The following SEPTIN9 variants were observed in gnomAD, a reference collection of about 807,000 sequenced individuals.
SEPTIN9 encodes septin 9.
Under a neutral mutation model 56.6 loss-of-function variants are expected in SEPTIN9, and 13 were observed. The observed-to-expected ratio is 0.23, with a 90% CI of 0.15 to 0.37. The LOEUF (loss-of-function observed/expected upper bound fraction) is 0.37. Among genes scored for constraint, SEPTIN9 ranks in the 10% least tolerant of loss-of-function variants. The probability of loss-of-function intolerance (pLI) is 1.00; values close to 1 mark genes in which losing one functional copy is unlikely to be tolerated. For synonymous variants in SEPTIN9, 332 were observed against 334.1 expected (o/e 0.99, Z 0.07); for missense variants, 650 against 823.1 (o/e 0.79, Z 2.57).
chr17:77,358,594 G>T (rs564723176), intron 2 of SEPTIN9, among the ~76,000 whole-genome samples: 1 of 151,944 alleles, frequency 6.6e-6, no homozygotes, highest in Non-Finnish European at 1.5e-5. Flanking sequence ...AGCCGAGATC[G>T]CACCACTCCT....
chr17:77,288,245 G>A (rs1053486922), intron 1 of SEPTIN9: 18 of 1,031,360 alleles, frequency 1.7e-5, no homozygotes, highest in Non-Finnish European at 2.1e-5. Context: ...CTCCTCCCAG[G>A]CTGCTTAAAT....
chr17:77,484,895 G>A (rs1253552300), intron 4 of SEPTIN9, among the ~76,000 whole-genome samples: 5 of 95,260 alleles, frequency 5.2e-5, no homozygotes, highest in African/African-American at 1.8e-4. Context: ...TGTGATGGTG[G>A]TGGTGGTGAT....
chr17:77,402,106 A>C lies in SEPTIN9; in HGVS notation c.124A>C (p.Thr42Pro), dbSNP rs1598315906. The C allele has an allele frequency of 1.2e-6, 2 of 1,613,292 alleles. No homozygotes were observed. The highest frequency in any genetic ancestry group is 1.7e-6 in the Non-Finnish European group (2 of 1,179,690). The part of the protein sequence containing the change: ...EVEEVETPNS[T>P]PPRRVQTPLL... ...CGAGGAGGTCGAGACACCCAACTCC[A>C]CCCCACCCCGGAGGGTCCAGACTCC... The change falls in exon 3 of 12, where the codon ACC becomes CCC. Residue 42 changes from threonine (T) to proline (P), a missense_variant. Around this residue, in one of 2 missense-constraint regions of SEPTIN9, gnomAD observed 317 missense variants for 329.1 expected, o/e 0.96. Coordinates refer to ENST00000427177, the MANE Select transcript of SEPTIN9 (RefSeq NM_001113491.2). The surrounding 1 kb of genome is among the most constrained non-coding windows in gnomAD (Gnocchi z 6.6).
intron 2 of SEPTIN9, among the ~76,000 whole-genome samples, chr17:77,359,370 C>A (rs943665224): frequency 6.6e-6 from 1 of 152,232 alleles, no homozygotes; most frequent in Non-Finnish European, 1.5e-5. Context: ...TGGAAAAGAG[C>A]TTACCAAGGA....
intron 2 of SEPTIN9, among the ~76,000 whole-genome samples, chr17:77,380,828 C>T (rs527780904): frequency 1.3e-5 from 2 of 152,188 alleles, no homozygotes; most frequent in Non-Finnish European, 2.9e-5. Context: ...TGAGGGACAG[C>T]GGAAGGGTGG....
At chr17:77,295,232 G>C (rs1052573206) in intron 1 of SEPTIN9, among the ~76,000 whole-genome samples, 3 of 152,180 alleles carry the variant, frequency 2.0e-5, no homozygotes, top group African/African-American at 7.2e-5. Flanking sequence ...GCCCTTCTCA[G>C]TGCCTTGAGA....
Position 77,292,989 on chromosome 17 carries a change from CATTTATTT to C in SEPTIN9, c.19+11468_19+11475del, listed in dbSNP as rs138504683. On this transcript the variant is annotated intron_variant, in intron 1 of 11. Transcript: ENST00000427177. ...AACCAGGAAATGGAAACCGCTTGAG[CATTTATTT>C]ATTTATTTATTTATTTATTTATTTA... is the stretch of plus-strand genomic sequence containing the variant. 3.3e-4 allele frequency among the ~76,000 whole-genome samples: 38 copies of C among 116,392 alleles called. 1 individual carries two copies. The highest frequency in any genetic ancestry group is 5.2e-4 in the African/African-American group (19 of 36,316). The allele number at this position is 116,392 out of a possible 152,430, so 76.4% of individuals were successfully genotyped here. A position where few individuals can be genotyped will look rare whatever the true frequency, so the allele number is the denominator to read the frequency against.
chr17:77,353,774 C>T (rs16969936), intron 2 of SEPTIN9, among the ~76,000 whole-genome samples: 34,596 of 152,028 alleles, frequency 0.23, 4,382 homozygotes, highest in East Asian at 0.6. Flanking sequence ...AGTGTCTCAG[C>T]CCCGCAATCC....
chr17:77,354,857 C>G (rs1316082200), intron 2 of SEPTIN9, among the ~76,000 whole-genome samples: 1 of 152,062 alleles, frequency 6.6e-6, no homozygotes, highest in Non-Finnish European at 1.5e-5. Context: ...TGGGCGCTTG[C>G]TCTTCAGTCA....
intron 1 of SEPTIN9, among the ~76,000 whole-genome samples, chr17:77,306,800 C>T (rs947689338): frequency 6.6e-6 from 1 of 152,240 alleles, no homozygotes; most frequent in Non-Finnish European, 1.5e-5. Flanking sequence ...GACGTGGGCT[C>T]ACCTGTGTGC....
intron 2 of SEPTIN9, among the ~76,000 whole-genome samples, chr17:77,314,285 TCCTG>T (rs1364892130): frequency 6.6e-6 from 1 of 151,020 alleles, no homozygotes; most frequent in Non-Finnish European, 1.5e-5. Flanking sequence ...CAAGTGATTC[TCCTG>T]CCTCAGCCTC....
Position 77,451,668 on chromosome 17 carries a change from G to A in SEPTIN9, c.722-30476G>A, listed in dbSNP as rs939832803. On this transcript the variant is annotated intron_variant, in intron 3 of 11. Transcript: ENST00000427177. This position sits in a 1 kb window ranked among gnomAD's most constrained non-coding sequence, Gnocchi z 4.2. ...TGTCCCTGGGCCCCGGCCCGAGGCC[G>A]GCAGGACCGAGCGGGGTCCCCAGGA... 49 of 604,310 alleles carry A rather than the reference G, an allele frequency of 8.1e-5. No homozygotes were observed. Among genetic ancestry groups the A allele is most frequent in the Non-Finnish European group, 9.6e-5 (46 of 481,662 alleles). The allele number at this position is 604,310 out of a possible 1,614,324, so 37.4% of individuals were successfully genotyped here.
Position 77,402,162 on chromosome 17 carries a change from C to A in SEPTIN9, c.180C>A (p.Thr60=). The part of the protein sequence containing the change: ...PLLRATVASS[T]QKFQDLGVKN... ...TCCGAGCCACTGTGGCCAGCTCCAC[C>A]CAGAAATTCCAGGACCTGGGCGTGA... Residue 60 remains threonine (T), a synonymous_variant, in exon 3 of 12, where the codon ACC becomes ACA. Transcript: ENST00000427177. The surrounding 1 kb of genome is among the most constrained non-coding windows in gnomAD (Gnocchi z 6.6). 1.2e-6 allele frequency: 2 copies of A among 1,613,898 alleles called. No individual in the cohort carries two copies. The highest frequency in any genetic ancestry group is 1.7e-6 in the Non-Finnish European group (2 of 1,179,872).
At chr17:77,484,601 G>GTGGTGA (rs1555678561) in intron 4 of SEPTIN9, among the ~76,000 whole-genome samples, 13 of 34,068 alleles carry the variant, frequency 3.8e-4, no homozygotes, top group Non-Finnish European at 6.0e-4. Flanking sequence ...AATTGTGATG[G>GTGGTGA]TGGTGGTGAT....
rs2033315544 is a variant in SEPTIN9 at position 77,330,724 on chromosome 17, T to TG, written c.76+23532dup. On this transcript the variant is annotated intron_variant, in intron 2 of 11. Transcript: ENST00000427177. This position sits in a 1 kb window ranked among gnomAD's most constrained non-coding sequence, Gnocchi z 4.4. ...CACATGGCTTGACCATCACGGGGAC[T>TG]GGGGGAGAGGCACAGGCATGCCTGT... 6.6e-6 allele frequency among the ~76,000 whole-genome samples: 1 copy of TG among 152,176 alleles called. No individual in the cohort carries two copies. Among genetic ancestry groups the TG allele is most frequent in the Non-Finnish European group, 1.5e-5 (1 of 68,026 alleles).
At position 77,475,316 on chromosome 17, in the gene SEPTIN9, T is replaced by A; in HGVS notation, c.722-6828T>A. ...TGGGAGCGGGGAGGGCAAGCCCTGG[T>A]TGCGAGGCAGGGCTTCCCCAGGATT... On this transcript the variant is annotated intron_variant, in intron 3 of 11. Coordinates refer to ENST00000427177, the MANE Select transcript of SEPTIN9 (RefSeq NM_001113491.2). The surrounding 1 kb of genome is among the most constrained non-coding windows in gnomAD (Gnocchi z 4.6). The A allele has an allele frequency of 7.0e-7, 1 of 1,424,494 alleles. No individual in the cohort carries two copies. The allele number at this position is 1,424,494 out of a possible 1,614,324, so 88.2% of individuals were successfully genotyped here. A position where few individuals can be genotyped will look rare whatever the true frequency, so the allele number is the denominator to read the frequency against.
chr17:77,282,701 C>T (rs764347593), intron 1 of SEPTIN9, among the ~76,000 whole-genome samples: 2 of 152,220 alleles, frequency 1.3e-5, no homozygotes, highest in Non-Finnish European at 2.9e-5. Flanking sequence ...CCGGTTGTTG[C>T]GAACAAGATG....
In SEPTIN9 at chr17:77,451,008, G is replaced by A; in HGVS notation, c.722-31136G>A. On this transcript the variant is annotated intron_variant, in intron 3 of 11. Coordinates refer to ENST00000427177, the MANE Select transcript of SEPTIN9 (RefSeq NM_001113491.2). The surrounding 1 kb of genome is among the most constrained non-coding windows in gnomAD (Gnocchi z 4.2). ...GTGGGGGAGCACCTAGGAAGCAGGG[G>A]TGTCAGGCAGAGCACAAGGAGAGAG... 6.1e-6 allele frequency: 1 copy of A among 164,788 alleles called. No homozygotes were observed. Among genetic ancestry groups the A allele is most frequent in the Non-Finnish European group, 1.3e-5 (1 of 79,452 alleles). 10.2% of individuals were successfully genotyped at this position (164,788 alleles called of 1,614,324 possible). A position where few individuals can be genotyped will look rare whatever the true frequency, so the allele number is the denominator to read the frequency against.
At chr17:77,287,570 C>G (rs1161565984) in intron 1 of SEPTIN9, among the ~76,000 whole-genome samples, 1 of 152,216 alleles carries the variant, frequency 6.6e-6, no homozygotes, top group Non-Finnish European at 1.5e-5. Context: ...GCAGGGTGGC[C>G]TGGCCTTGGG....
Sources: allele counts gnomAD v4.1 joint callset (sites outside exome capture counted in the v4.1 genomes callset), GRCh38; gene constraint gnomAD v4.1.1; regional missense constraint gnomAD v4.1.1; non-coding constraint Gnocchi (gnomAD v3.1); transcripts MANE v1.5; gene names NCBI Gene and HGNC (gene_info 2026-07-23, HGNC 2026-07-21).